Variants in ECPAS observed in about 807,000 individuals in gnomAD.
ECPAS encodes the protein Ecm29 proteasome adaptor and scaffold.
A neutral mutation model predicts 255.1 loss-of-function variants in ECPAS; 70 were observed. That is an observed-to-expected ratio of 0.27 (90% CI 0.23 to 0.33). ECPAS has a LOEUF of 0.33. Ranked by LOEUF, ECPAS falls within the 10% of genes least tolerant of loss-of-function variation. The probability of loss-of-function intolerance (pLI) is 1.00; values close to 1 mark genes in which losing one functional copy is unlikely to be tolerated. For missense variants in ECPAS, 1,817 were observed against 2,206.4 expected (o/e 0.82, Z 3.54); for synonymous variants, 784 against 775.0 (o/e 1.01, Z -0.19).
At chr9:111,416,463 T>C in intron 17 of ECPAS, 111 bp from the exon 18 acceptor site, 2 of 749,412 alleles carry the variant, frequency 2.7e-6, no homozygotes, top group Non-Finnish European at 4.5e-6. Context: ...AGTTTGCTTC[T>C]TTTTCTGATC....
chr9:111,416,277 C>T lies in ECPAS; in HGVS notation c.1759G>A (p.Gly587Arg). ...TVLPFNPAAFGEIVLYLRMCL... is the reference protein window; with the variant it reads ...TVLPFNPAAFREIVLYLRMCL... ...GAAATATATGAAAGTTCTACCTCTC[C>T]AAAGGCTGCTGGGTTAAATGGAAGG... Residue 587 changes from glycine to arginine, a missense_variant, in exon 18 of 50, where the codon GGA (glycine) becomes AGA (arginine). Gly to Arg is a moderately radical substitution (Grantham distance 125). Around this residue, in one of 4 missense-constraint regions of ECPAS, gnomAD observed 573 missense variants for 716.2 expected, o/e 0.80. Transcript: ENST00000684092. 1.2e-6 allele frequency: 2 copies of T among 1,612,112 alleles called. No homozygotes were observed. Among genetic ancestry groups the T allele is most frequent in the Non-Finnish European group, 8.5e-7 (1 of 1,178,266 alleles).
chr9:111,459,975 G>T (rs1319881353), intron 2 of ECPAS, among the ~76,000 whole-genome samples: 1 of 152,038 alleles, frequency 6.6e-6, no homozygotes, highest in South Asian at 2.1e-4. Context: ...CCAAACAAGG[G>T]TATCCCCAGA....
intron 25 of ECPAS, 149 bp downstream of exon 25, chr9:111,396,881 T>C (rs1231203521): frequency 9.4e-7 from 1 of 1,062,024 alleles, no homozygotes; most frequent in Non-Finnish European, 1.4e-6. Context: ...CACTCAACTA[T>C]TTTTCTTGAC....
At chr9:111,427,671 C>A (rs1260716175) in intron 10 of ECPAS, among the ~76,000 whole-genome samples, 4 of 152,078 alleles carry the variant, frequency 2.6e-5, no homozygotes, top group African/African-American at 9.7e-5. Context: ...TGCACATAGC[C>A]TGAAGGTAAT....
chr9:111,363,589 T>G lies in ECPAS; in HGVS notation c.5379A>C (p.Glu1793Asp), dbSNP rs763537181. Residue 1793 changes from glutamate (E) to aspartate (D), a missense_variant and splice_region_variant, in exon 49 of 50, where the codon GAA becomes GAC. By Grantham distance (45) the Glu-to-Asp change is conservative. Coordinates refer to ENST00000684092, the MANE Select transcript of ECPAS (RefSeq NM_001364929.1). ...CAGTCAGAACTAACAACAACTTACCTTCAAGTTTTTTAAGCAGCAATTCTA... is the reference window on the plus strand; with the variant it reads ...CAGTCAGAACTAACAACAACTTACCGTCAAGTTTTTTAAGCAGCAATTCTA... ...SVIELLLKKLEESKQWECLTS... is the reference protein window; with the variant it reads ...SVIELLLKKLDESKQWECLTS... The G allele has an allele frequency of 6.4e-7, 1 of 1,562,212 alleles. No individual in the cohort carries two copies. The highest frequency in any genetic ancestry group is 1.1e-5 in the South Asian group (1 of 87,944).
At chr9:111,363,222 A>C (rs1013719249) in intron 49 of ECPAS, among the ~76,000 whole-genome samples, 3 of 151,906 alleles carry the variant, frequency 2.0e-5, no homozygotes, top group African/African-American at 7.2e-5. Context: ...ATAACTGTTA[A>C]AAATGTTTTT....
intron 41 of ECPAS, 70 bp from the exon 42 acceptor site, chr9:111,372,690 T>TGTTC (rs2098128888): frequency 4.2e-6 from 5 of 1,188,172 alleles, no homozygotes; most frequent in Non-Finnish European, 5.9e-6. Flanking sequence ...AACAGGCTAT[T>TGTTC]GTTCAACTCA....
intron 7 of ECPAS, among the ~76,000 whole-genome samples, chr9:111,435,118 C>T (rs2131865495): frequency 6.6e-6 from 1 of 151,836 alleles, no homozygotes; most frequent in Non-Finnish European, 1.5e-5. Context: ...AGGCTGGTCT[C>T]GAACTCCTGA....
intron 2 of ECPAS, among the ~76,000 whole-genome samples, chr9:111,471,779 G>T (rs1207244169): frequency 6.6e-6 from 1 of 152,190 alleles, no homozygotes; most frequent in Non-Finnish European, 1.5e-5. Context: ...CAATTACCAT[G>T]AAGATGCCTC....
intron 8 of ECPAS, among the ~76,000 whole-genome samples, chr9:111,432,306 C>A (rs2098231179): frequency 6.6e-6 from 1 of 152,144 alleles, no homozygotes; most frequent in South Asian, 2.1e-4. Context: ...TAATGCCAAT[C>A]AACAGGGTAT....
intron 24 of ECPAS, among the ~76,000 whole-genome samples, chr9:111,398,374 C>T (rs962733137): frequency 6.6e-6 from 1 of 152,126 alleles, no homozygotes; most frequent in South Asian, 2.1e-4. Context: ...AATAACAACA[C>T]AGCTGGCATG....
At chr9:111,384,708 G>A in intron 33 of ECPAS, 139 bp from the exon 34 acceptor site, 1 of 716,504 alleles carries the variant, frequency 1.4e-6, no homozygotes, top group Non-Finnish European at 2.4e-6. Flanking sequence ...TAAAAAAATT[G>A]GTATCTCATC....
At chr9:111,476,031 A>G (rs1589243211) in intron 1 of ECPAS, among the ~76,000 whole-genome samples, 1 of 152,204 alleles carries the variant, frequency 6.6e-6, no homozygotes, top group East Asian at 1.9e-4. Context: ...GATTCCCAGC[A>G]CTAGCAGAGG....
rs1209035447 is a variant in ECPAS at position 111,394,276 on chromosome 9, C to A, written c.2806G>T (p.Val936Leu). The change falls in exon 26 of 50, where the codon GTG becomes TTG. Residue 936 changes from valine (V) to leucine (L), a missense_variant. Coordinates refer to ENST00000684092, the MANE Select transcript of ECPAS (RefSeq NM_001364929.1). ...GAKVNDVVPW[V>L]LDVILNKHII... Reference sequence around the variant, plus strand: ...TGTTTATTTAAAATCACATCCAACACCCATGGAACCACATCATTCACTTTG... The same window carrying A: ...TGTTTATTTAAAATCACATCCAACAACCATGGAACCACATCATTCACTTTG... The A allele has an allele frequency of 6.3e-7, 1 of 1,581,762 alleles. No individual in the cohort carries two copies. Among genetic ancestry groups the A allele is most frequent in the Non-Finnish European group, 8.6e-7 (1 of 1,164,126 alleles).
chr9:111,455,302 G>A (rs2098265486), intron 2 of ECPAS, among the ~76,000 whole-genome samples: 1 of 152,110 alleles, frequency 6.6e-6, no homozygotes, highest in Non-Finnish European at 1.5e-5. Context: ...GGCGAACACG[G>A]TGAAACCCCA....
chr9:111,402,609 C>A (rs757173624), intron 24 of ECPAS, among the ~76,000 whole-genome samples: 8 of 151,994 alleles, frequency 5.3e-5, no homozygotes, highest in Non-Finnish European at 8.8e-5. Flanking sequence ...ATAATGACCA[C>A]AACAATTTGT....
At chr9:111,443,478 T>C (rs2098248704) in intron 4 of ECPAS, among the ~76,000 whole-genome samples, 1 of 152,212 alleles carries the variant, frequency 6.6e-6, no homozygotes, top group African/African-American at 2.4e-5. Flanking sequence ...CTTGAACTCC[T>C]GACCTCATGA....
rs529177783 is a variant in ECPAS, at chr9:111,369,759, C to T, written c.4975-586G>A. On this transcript the variant is annotated intron_variant, in intron 45 of 49. Coordinates refer to ENST00000684092, the MANE Select transcript of ECPAS (RefSeq NM_001364929.1). ...CTTTTTTTTGGGGGGGGGACCAGTG[C>T]CCAACTTTTAAAAATGAGTATTCCA... Among the ~76,000 whole-genome samples, 12 of 152,076 alleles carry T rather than the reference C, an allele frequency of 7.9e-5. 1 individual carries two copies. In the South Asian group the frequency reaches 2.5e-3, roughly 32 times the overall value.
intron 29 of ECPAS, 147 bp from the exon 30 acceptor site, chr9:111,390,248 AAGTT>A: frequency 1.9e-6 from 1 of 520,538 alleles, no homozygotes; most frequent in Non-Finnish European, 3.4e-6. Context: ...GACAGAACAC[AAGTT>A]AGTAAGAATA....
Sources: allele counts gnomAD v4.1 joint callset (sites outside exome capture counted in the v4.1 genomes callset), GRCh38; gene constraint gnomAD v4.1.1; regional missense constraint gnomAD v4.1.1; transcripts MANE v1.5; gene names NCBI Gene and HGNC (gene_info 2026-07-23, HGNC 2026-07-21).